The following LRMDA variants were observed in gnomAD, a reference collection of about 807,000 sequenced individuals.
The protein encoded by LRMDA is leucine-rich melanocyte differentiation-associated protein.
LRMDA carries 18 observed loss-of-function variants against 29.8 expected under a neutral mutation model. That is an observed-to-expected ratio of 0.60 (90% CI 0.42 to 0.90). The LOEUF is 0.90. LRMDA is among the 40% of genes least tolerant of loss of function. LRMDA has a pLI of 0.00. For missense variants in LRMDA, 273 were observed against 273.9 expected (o/e 1.00, Z 0.02); for synonymous variants, 125 against 109.4 (o/e 1.14, Z -0.89).
At chr10:76,200,212 C>T (rs1268754429) in intron 5 of LRMDA, among the ~76,000 whole-genome samples, 2 of 152,196 alleles carry the variant, frequency 1.3e-5, no homozygotes, top group Non-Finnish European at 2.9e-5. Flanking sequence ...AATCCTCCTG[C>T]CTCTGCCTAC....
At chr10:75,884,057 G>A (rs1201719900) in intron 2 of LRMDA, among the ~76,000 whole-genome samples, 4 of 151,656 alleles carry the variant, frequency 2.6e-5, no homozygotes, top group Admixed American at 2.6e-4. Context: ...CTAAATTGAT[G>A]GTCTGTTTTC....
At chr10:75,677,859 GTT>G (rs1752063913) in intron 2 of LRMDA, among the ~76,000 whole-genome samples, 1 of 152,098 alleles carries the variant, frequency 6.6e-6, no homozygotes, top group African/African-American at 2.4e-5. Flanking sequence ...GTAGCATTCA[GTT>G]TATATGCGAT....
intron 5 of LRMDA, among the ~76,000 whole-genome samples, chr10:76,303,546 G>A (rs938451202): frequency 6.6e-6 from 1 of 152,002 alleles, no homozygotes; most frequent in Non-Finnish European, 1.5e-5. Flanking sequence ...ACACAGGCGC[G>A]CACATGAGGC....
chr10:76,133,760 C>T (rs1261017235), intron 5 of LRMDA, among the ~76,000 whole-genome samples: 1 of 152,150 alleles, frequency 6.6e-6, no homozygotes, highest in African/African-American at 2.4e-5. Flanking sequence ...CACTGAAGTA[C>T]ACTTTGTCAA....
intron 6 of LRMDA, among the ~76,000 whole-genome samples, chr10:76,324,961 C>G (rs1466553898): frequency 6.6e-6 from 1 of 152,180 alleles, no homozygotes; most frequent in East Asian, 1.9e-4. Context: ...GCTGAATTCT[C>G]TTATTTTCAA....
At position 76,501,175 on chromosome 10, in the gene LRMDA, C is replaced by T. The variant is rs180952486; in HGVS notation, c.602-56034C>T. ...ATTATTTTGTTTAGGATTAGCCTGC[C>T]GCTGTATCCATGTTGCTGCAAATGA... On this transcript the variant is annotated intron_variant, in intron 6 of 6. Transcript: ENST00000611255. 3.5e-4 allele frequency among the ~76,000 whole-genome samples: 9 copies of T among 25,984 alleles called. 3 individuals are homozygous for T. Among genetic ancestry groups the T allele is most frequent in the African/African-American group, 4.9e-4 (7 of 14,204 alleles). The allele number at this position is 25,984 out of a possible 152,430, so 17.0% of individuals were successfully genotyped here.
chr10:75,650,817 G>T (rs1841589249), intron 2 of LRMDA, among the ~76,000 whole-genome samples: 2 of 152,142 alleles, frequency 1.3e-5, no homozygotes, highest in African/African-American at 4.8e-5. Context: ...GCAGTCCCAT[G>T]ACTAAACTGG....
At chr10:76,093,346 CA>C (rs76474770) in intron 5 of LRMDA, among the ~76,000 whole-genome samples, 10,903 of 129,114 alleles carry the variant, frequency 0.084, 864 homozygotes, top group East Asian at 0.43. Context: ...TTATTATAGA[CA>C]AAAAAAAAAA....
chr10:76,342,132 G>A (rs922143105), intron 6 of LRMDA, among the ~76,000 whole-genome samples: 3 of 152,084 alleles, frequency 2.0e-5, no homozygotes, highest in African/African-American at 7.2e-5. Flanking sequence ...GATAGAGGTA[G>A]TACAATAACA....
intron 2 of LRMDA, among the ~76,000 whole-genome samples, chr10:75,488,484 T>C (rs934138766): frequency 1.8e-4 from 27 of 152,226 alleles, no homozygotes; most frequent in Non-Finnish European, 2.5e-4. Flanking sequence ...CAAAGCCACT[T>C]AGTTTTCTCT....
intron 6 of LRMDA, among the ~76,000 whole-genome samples, chr10:76,363,311 G>GTAAGGGAA: frequency 2.0e-5 from 3 of 149,262 alleles, no homozygotes; most frequent in Non-Finnish European, 4.5e-5. Context: ...GAGGAAGGGA[G>GTAAGGGAA]GAAGGAAAAA....
intron 2 of LRMDA, among the ~76,000 whole-genome samples, chr10:75,504,798 G>A (rs1181718770): frequency 6.6e-6 from 1 of 152,148 alleles, no homozygotes; most frequent in Non-Finnish European, 1.5e-5. Context: ...CTTGTAAGGT[G>A]TGTATAAAGA....
chr10:76,534,412 G>A (rs1843269985), intron 6 of LRMDA, among the ~76,000 whole-genome samples: 1 of 152,142 alleles, frequency 6.6e-6, no homozygotes, highest in Non-Finnish European at 1.5e-5. Context: ...TTTGAGAAAT[G>A]GCTGTGCCTC....
intron 2 of LRMDA, among the ~76,000 whole-genome samples, chr10:75,861,165 G>A (rs1844922825): frequency 6.6e-6 from 1 of 152,204 alleles, no homozygotes. Flanking sequence ...AAATTGAAAT[G>A]TCATACAAAT....
intron 5 of LRMDA, among the ~76,000 whole-genome samples, chr10:76,150,926 TG>T (rs1163213457): frequency 6.6e-6 from 1 of 152,090 alleles, no homozygotes; most frequent in Non-Finnish European, 1.5e-5. Context: ...GCCAAGCAAC[TG>T]GGGTGGCTTT....
At chr10:76,298,228 A>G (rs986719238) in intron 5 of LRMDA, among the ~76,000 whole-genome samples, 1 of 152,206 alleles carries the variant, frequency 6.6e-6, no homozygotes, top group Admixed American at 6.5e-5. Flanking sequence ...GCTGAGTAAA[A>G]CATCATGCTA....
intron 2 of LRMDA, among the ~76,000 whole-genome samples, chr10:75,791,707 G>T (rs777601827): frequency 2.0e-5 from 3 of 152,136 alleles, no homozygotes; most frequent in Admixed American, 6.5e-5. Flanking sequence ...GGCCCTTCCG[G>T]CCTCTCCATT....
chr10:76,148,390 G>T (rs1850371692), intron 5 of LRMDA, among the ~76,000 whole-genome samples: 1 of 152,158 alleles, frequency 6.6e-6, no homozygotes, highest in Admixed American at 6.5e-5. Flanking sequence ...ACTGGGCAAT[G>T]GCGGGAACCC....
chr10:76,297,470 A>C (rs1249160547), intron 5 of LRMDA, among the ~76,000 whole-genome samples: 1 of 152,216 alleles, frequency 6.6e-6, no homozygotes, highest in Non-Finnish European at 1.5e-5. Flanking sequence ...AGATGGGCCT[A>C]CTTTTTTGGC....
Sources: allele counts gnomAD v4.1 joint callset (sites outside exome capture counted in the v4.1 genomes callset), GRCh38; gene constraint gnomAD v4.1.1; transcripts MANE v1.5; gene names NCBI Gene and HGNC (gene_info 2026-07-23, HGNC 2026-07-21).